Variants in VASP observed in about 807,000 individuals in gnomAD.
The protein encoded by VASP is vasodilator-stimulated phosphoprotein.
VASP carries 27 observed loss-of-function variants against 54.4 expected under a neutral mutation model. The ratio of observed to expected loss-of-function variants is 0.50; its 90% CI spans 0.37 to 0.68. The LOEUF (loss-of-function observed/expected upper bound fraction) is 0.68. Among genes scored for constraint, VASP ranks in the 30% least tolerant of loss-of-function variants. VASP has a pLI of 0.00. For synonymous variants in VASP, 233 were observed against 209.8 expected (o/e 1.11, Z -0.96); for missense variants, 488 against 528.3 (o/e 0.92, Z 0.75).
At chr19:45,525,824 A>G (rs1968949626) in intron 11 of VASP, 122 bp from the exon 12 acceptor site, 1 of 932,080 alleles carries the variant, frequency 1.1e-6, no homozygotes, top group Non-Finnish European at 1.6e-6. Flanking sequence ...AGCTGTGATC[A>G]TGCCATTGCA....
chr19:45,512,927 C>T (rs1453110938), intron 1 of VASP, among the ~76,000 whole-genome samples: 1 of 152,092 alleles, frequency 6.6e-6, no homozygotes, highest in Admixed American at 6.6e-5. Context: ...AGCCTCTGAT[C>T]AACACTACCT....
At chr19:45,509,496 C>T (rs1360368662) in intron 1 of VASP, among the ~76,000 whole-genome samples, 1 of 148,280 alleles carries the variant, frequency 6.7e-6, no homozygotes, top group Non-Finnish European at 1.5e-5. Flanking sequence ...GGAGCGGTGT[C>T]TGGGCCGGCC....
intron 1 of VASP, among the ~76,000 whole-genome samples, chr19:45,513,854 T>G (rs1968649502): frequency 6.6e-6 from 1 of 151,992 alleles, no homozygotes; most frequent in African/African-American, 2.4e-5. Flanking sequence ...GTGAGCCACC[T>G]CCCCTGGCCA....
In VASP at chr19:45,517,645, T is replaced by G; in HGVS notation, c.6-18T>G. 6.2e-7 allele frequency: 1 copy of G among 1,600,532 alleles called. No homozygotes were observed. Among genetic ancestry groups the G allele is most frequent in the South Asian group, 1.1e-5 (1 of 90,668 alleles). On this transcript the variant is annotated intron_variant, in intron 1 of 12. Coordinates refer to ENST00000245932, the MANE Select transcript of VASP (RefSeq NM_003370.4). Reference sequence around the variant, plus strand: ...TAAGAAGGTGACCGGCCCCTCTCCCTTTTCCTCCCGCCTGCAGCGAGACGG... The same window carrying G: ...TAAGAAGGTGACCGGCCCCTCTCCCGTTTCCTCCCGCCTGCAGCGAGACGG...
rs71173173 is a variant in VASP at position 45,513,468 on chromosome 19, C to CTTTTTTT, written c.6-4180_6-4174dup. Among the ~76,000 whole-genome samples the CTTTTTTT allele has an allele frequency of 1.3e-3, 119 of 92,786 alleles. 5 individuals are homozygous for CTTTTTTT. The highest frequency in any genetic ancestry group is 5.1e-3 in the African/African-American group (107 of 21,076). 60.9% of individuals were successfully genotyped at this position (92,786 alleles called of 152,430 possible). On this transcript the variant is annotated intron_variant, in intron 1 of 12. Transcript: ENST00000245932. ...CATCTTGCCCAAGCTAGTCTCTCTC[C>CTTTTTTT]TTTTTTTTTTTTTTTTTTTTTGAGA...
chr19:45,516,318 G>A (rs938492425), intron 1 of VASP, among the ~76,000 whole-genome samples: 1 of 152,232 alleles, frequency 6.6e-6, no homozygotes, highest in African/African-American at 2.4e-5. Context: ...GGGAATGGCC[G>A]CTAGTGCCCT....
At chr19:45,513,906 C>T (rs1373891245) in intron 1 of VASP, among the ~76,000 whole-genome samples, 1 of 152,146 alleles carries the variant, frequency 6.6e-6, no homozygotes, top group Non-Finnish European at 1.5e-5. Context: ...CTATTGAGTC[C>T]CTACTATGTG....
chr19:45,519,870 C>G (rs1206974241), intron 3 of VASP, among the ~76,000 whole-genome samples: 3 of 134,558 alleles, frequency 2.2e-5, no homozygotes, highest in African/African-American at 8.3e-5. Flanking sequence ...GCTGGGATTA[C>G]AGGCGTGAGC....
intron 3 of VASP, among the ~76,000 whole-genome samples, chr19:45,519,501 G>T (rs533403511): frequency 4.1e-4 from 62 of 150,346 alleles, no homozygotes; most frequent in Non-Finnish European, 7.2e-4. Context: ...TGGTCTACAG[G>T]CTGGTCTTGA....
At chr19:45,508,777 A>C (rs568124031) in intron 1 of VASP, among the ~76,000 whole-genome samples, 1 of 152,244 alleles carries the variant, frequency 6.6e-6, no homozygotes, top group South Asian at 2.1e-4. Context: ...GGCTTCCCAG[A>C]TAATTCCAGC....
At position 45,518,088 on chromosome 19, in the gene VASP, T is replaced by C. The variant is rs1390168759; in HGVS notation, c.337T>C (p.Leu113=). ...AAGMASALEA[L]EGGGPPPPPA... ...CGGCATGGCCAGTGCCCTAGAGGCG[T>C]TGGAAGGTCAGAAATGGCGGCGGGC... Residue 113 remains leucine, a synonymous_variant, in exon 3 of 13, where the codon TTG becomes CTG. Coordinates refer to ENST00000245932, the MANE Select transcript of VASP (RefSeq NM_003370.4). 19 of 1,612,820 alleles carry C rather than the reference T, an allele frequency of 1.2e-5. No homozygotes were observed. The highest frequency in any genetic ancestry group is 2.7e-5 in the African/African-American group (2 of 74,892).
intron 5 of VASP, 38 bp from the exon 6 acceptor site, chr19:45,522,300 TTC>T (rs1254073577): frequency 2.5e-6 from 4 of 1,613,672 alleles, no homozygotes; most frequent in South Asian, 2.2e-5. Context: ...AGAATGAGGC[TTC>T]TCTCTCTCAG....
chr19:45,515,080 T>C (rs1414454817), intron 1 of VASP, among the ~76,000 whole-genome samples: 5 of 152,152 alleles, frequency 3.3e-5, no homozygotes, highest in Non-Finnish European at 7.4e-5. Flanking sequence ...AAGAGGGAGA[T>C]GGCACAATTA....
chr19:45,518,793 T>C lies in VASP; in HGVS notation c.343+699T>C, dbSNP rs547078691. On this transcript the variant is annotated intron_variant, in intron 3 of 12. Coordinates refer to ENST00000245932, the MANE Select transcript of VASP (RefSeq NM_003370.4). ...GATCCTCTTGCCTCAGCCTCCTAAG[T>C]AGCTGGGAATACAGGTGTGCACCAC... is the stretch of plus-strand genomic sequence containing the variant. Among the ~76,000 whole-genome samples, 7 of 152,070 alleles carry C rather than the reference T, an allele frequency of 4.6e-5. 1 individual carries two copies. The South Asian group carries it at 1.5e-3, about 32-fold the overall frequency.
Position 45,507,699 on chromosome 19 carries a change from C to A in VASP, c.-73C>A. 6.6e-7 allele frequency: 1 copy of A among 1,511,384 alleles called. No individual in the cohort carries two copies. Among genetic ancestry groups the A allele is most frequent in the South Asian group, 1.2e-5 (1 of 82,844 alleles). 93.6% of individuals were successfully genotyped at this position (1,511,384 alleles called of 1,614,324 possible). A position where few individuals can be genotyped will look rare whatever the true frequency, so the allele number is the denominator to read the frequency against. ...AGCCGAGCCCGGAGCCAGCCCCGAA[C>A]CCCTGAACCTCCAGCCAGGGGCGCC... On this transcript the variant is annotated 5_prime_UTR_variant, in exon 1 of 13. Coordinates refer to ENST00000245932, the MANE Select transcript of VASP (RefSeq NM_003370.4). This position sits in a 1 kb window ranked among gnomAD's most constrained non-coding sequence, Gnocchi z 4.4.
rs1419688342 is a variant in VASP at position 45,520,287 on chromosome 19, G to A, written c.344-1035G>A. The stretch of plus-strand genomic sequence containing the variant: ...AGGCTCTGGTGCAGGTGGGCTGGGC[G>A]GACTGAGACTCCACATTCTCACAAG... On this transcript the variant is annotated intron_variant, in intron 3 of 12. Coordinates refer to ENST00000245932, the MANE Select transcript of VASP (RefSeq NM_003370.4). Among the ~76,000 whole-genome samples the A allele has an allele frequency of 3.3e-5, 5 of 152,156 alleles. No homozygotes were observed. The South Asian group carries it at 8.3e-4, about 25-fold the overall frequency.
intron 1 of VASP, among the ~76,000 whole-genome samples, chr19:45,516,314 G>A (rs1334644776): frequency 6.6e-6 from 1 of 152,250 alleles, no homozygotes; most frequent in African/African-American, 2.4e-5. Context: ...TCTGGGGAAT[G>A]GCCGCTAGTG....
intron 3 of VASP, among the ~76,000 whole-genome samples, chr19:45,520,162 A>T (rs1361672010): frequency 6.6e-6 from 1 of 152,154 alleles, no homozygotes; most frequent in Non-Finnish European, 1.5e-5. Context: ...TCGGCCTCCC[A>T]GAGTGCTGAG....
Position 45,521,476 on chromosome 19 carries a change from C to G in VASP, c.428+70C>G, listed in dbSNP as rs59174368. ...TCCATATGTTCTGGAACCCTTGACT[C>G]CTAGAGTTCAGAACCCAGCCAACTT... On this transcript the variant is annotated intron_variant, in intron 4 of 12. Coordinates refer to ENST00000245932, the MANE Select transcript of VASP (RefSeq NM_003370.4). 9,087 of 1,364,120 alleles carry G rather than the reference C, an allele frequency of 6.7e-3. 496 individuals carry two copies. In the African/African-American group the frequency reaches 0.12, roughly 18 times the overall value. 84.5% of individuals were successfully genotyped at this position (1,364,120 alleles called of 1,614,324 possible).
Sources: allele counts gnomAD v4.1 joint callset (sites outside exome capture counted in the v4.1 genomes callset), GRCh38; gene constraint gnomAD v4.1.1; non-coding constraint Gnocchi (gnomAD v3.1); transcripts MANE v1.5; gene names NCBI Gene and HGNC (gene_info 2026-07-23, HGNC 2026-07-21).